RADIL: variants seen among roughly 807,000 people sequenced by gnomAD.
RADIL encodes the protein ras-associating and dilute domain-containing protein.
RADIL carries 99 observed loss-of-function variants against 97.6 expected under a neutral mutation model. The observed-to-expected ratio is 1.01, with a 90% CI of 0.86 to 1.20. The LOEUF (loss-of-function observed/expected upper bound fraction) is 1.20. Among genes scored for constraint, RADIL ranks in the 50% most tolerant of loss-of-function variants. The probability of loss-of-function intolerance (pLI) is 0.00; values close to 1 mark genes in which losing one functional copy is unlikely to be tolerated. For synonymous variants in RADIL, 803 were observed against 691.8 expected, an observed-to-expected ratio of 1.16 and a Z score of -2.52; for missense variants, 1,765 against 1,498.9, an observed-to-expected ratio of 1.18 and a Z score of -2.93.
chr7:4,861,131 G>A (rs1165727820), intron 2 of RADIL: 1 of 1,614,172 alleles, frequency 6.2e-7, no homozygotes, highest in Admixed American at 1.7e-5. Flanking sequence ...CAGTTTGATG[G>A]CTCTCAGAGT....
rs554756884 is a variant in RADIL, at chr7:4,817,925, G to C, written c.1616-574C>G. ...TGGGTGGGGGCTCTTGTGAAGGTGG[G>C]AGGCCCCCAACAGGGTGGAGCCTTC... On this transcript the variant is annotated intron_variant, in intron 6 of 14. Transcript: ENST00000399583. This position sits in a 1 kb window ranked among gnomAD's most constrained non-coding sequence, Gnocchi z 8.3. 2.7e-4 allele frequency among the ~76,000 whole-genome samples: 41 copies of C among 152,350 alleles called. 1 individual carries two copies. The highest frequency in any genetic ancestry group is 8.9e-4 in the African/African-American group (37 of 41,584).
intron 2 of RADIL, chr7:4,860,293 C>T: frequency 1.2e-6 from 2 of 1,613,914 alleles, no homozygotes; most frequent in Admixed American, 1.7e-5. Flanking sequence ...AGTGTGCTTT[C>T]TTGTCCTGAA....
intron 2 of RADIL, among the ~76,000 whole-genome samples, chr7:4,870,086 G>T (rs1784218820): frequency 6.6e-6 from 1 of 152,220 alleles, no homozygotes; most frequent in African/African-American, 2.4e-5. Context: ...GCTGCAGTGA[G>T]CCATGATTGC....
intron 4 of RADIL, 144 bp from the exon 5 acceptor site, chr7:4,832,322 G>T: frequency 1.3e-6 from 1 of 783,834 alleles, no homozygotes; most frequent in Non-Finnish European, 2.1e-6. Context: ...TTCAAGCTGT[G>T]CTGGAAAGGA....
intron 2 of RADIL, among the ~76,000 whole-genome samples, chr7:4,839,641 T>G (rs900908245): frequency 6.6e-6 from 1 of 152,218 alleles, no homozygotes; most frequent in Non-Finnish European, 1.5e-5. Context: ...TATTTCATTT[T>G]TTTAAACTCT....
At chr7:4,862,127 G>C (rs10275572) in intron 2 of RADIL, 5,802 of 318,422 alleles carry the variant, frequency 0.018, 354 homozygotes, top group African/African-American at 0.12. Flanking sequence ...TGCGCGGGGG[G>C]CTATACATGG....
rs781579950 is a variant in RADIL, at chr7:4,877,598, C to T, written c.535+7G>A. 6.3e-7 allele frequency: 1 copy of T among 1,582,540 alleles called. No individual in the cohort carries two copies. Among genetic ancestry groups the T allele is most frequent in the South Asian group, 1.2e-5 (1 of 84,356 alleles). ...ACGGCTCTTCCTGAACCTGTGGCCC[C>T]CCTCACCTGCCGTGATGGTGTCCAC... is the stretch of plus-strand genomic sequence containing the variant. On this transcript the variant is annotated splice_region_variant and intron_variant, in intron 2 of 14. Transcript: ENST00000399583.
chr7:4,803,410 G>C (rs1782181986), intron 11 of RADIL, 136 bp downstream of exon 11: 4 of 744,704 alleles, frequency 5.4e-6, no homozygotes, highest in Admixed American at 3.4e-5. Flanking sequence ...GGGCACACTG[G>C]CTGGGCCCCC....
At chr7:4,828,352 G>A (rs1783052797) in intron 5 of RADIL, among the ~76,000 whole-genome samples, 2 of 152,228 alleles carry the variant, frequency 1.3e-5, no homozygotes, top group Admixed American at 1.3e-4. Context: ...CCAGCTGCTT[G>A]AAGGCTGAGG....
At position 4,814,400 on chromosome 7, in the gene RADIL, C is replaced by T. The variant is rs542247306; in HGVS notation, c.2139+878G>A. ...GTGGCATGATCTCGGCTCACTGCAA[C>T]CTCTGCCTCGCGGGTTCAAGCGATT... is the stretch of plus-strand genomic sequence containing the variant. On this transcript the variant is annotated intron_variant, in intron 9 of 14. Coordinates refer to ENST00000399583, the MANE Select transcript of RADIL (RefSeq NM_018059.5). The surrounding 1 kb of genome is among the most constrained non-coding windows in gnomAD (Gnocchi z 4.5). 6.6e-6 allele frequency among the ~76,000 whole-genome samples: 1 copy of T among 152,240 alleles called. No individual in the cohort carries two copies. Among genetic ancestry groups the T allele is most frequent in the African/African-American group, 2.4e-5 (1 of 41,546 alleles).
chr7:4,883,383 G>A lies in RADIL; in HGVS notation c.-65+213C>T, dbSNP rs549161560. ...CCCTTGCCCGCGCTAGCCGGCCTCC[G>A]GGTACCGCCCCCCGGTCCAGGCCGG... On this transcript the variant is annotated intron_variant, in intron 1 of 14. Transcript: ENST00000399583. The surrounding 1 kb of genome is among the most constrained non-coding windows in gnomAD (Gnocchi z 7.1). Among the ~76,000 whole-genome samples the A allele has an allele frequency of 2.6e-5, 4 of 152,166 alleles. No homozygotes were observed. The East Asian group carries it at 7.8e-4, about 30-fold the overall frequency.
intron 2 of RADIL, among the ~76,000 whole-genome samples, chr7:4,847,293 C>A (rs948054833): frequency 1.3e-5 from 2 of 152,156 alleles, no homozygotes; most frequent in Non-Finnish European, 2.9e-5. Flanking sequence ...TGCACTGCAA[C>A]TGGGCAACAG....
At chr7:4,806,431 C>T (rs1473359172) in intron 9 of RADIL, among the ~76,000 whole-genome samples, 1 of 152,176 alleles carries the variant, frequency 6.6e-6, no homozygotes, top group Non-Finnish European at 1.5e-5. Flanking sequence ...AAGCAATCCT[C>T]CCGCCTCAGC....
chr7:4,819,669 C>T lies in RADIL; in HGVS notation c.1616-2318G>A, dbSNP rs1782775969. On this transcript the variant is annotated intron_variant, in intron 6 of 14. Coordinates refer to ENST00000399583, the MANE Select transcript of RADIL (RefSeq NM_018059.5). This position sits in a 1 kb window ranked among gnomAD's most constrained non-coding sequence, Gnocchi z 5.8. ...GAATGACAACAGCCACGTGACCCAC[C>T]CTCGGGACGCGACAGCCCTGCTCTC... Among the ~76,000 whole-genome samples the T allele has an allele frequency of 6.6e-6, 1 of 152,184 alleles. No homozygotes were observed. Among genetic ancestry groups the T allele is most frequent in the African/African-American group, 2.4e-5 (1 of 41,440 alleles).
At chr7:4,861,732 T>G (rs1294688105) in intron 2 of RADIL, 1 of 1,527,170 alleles carries the variant, frequency 6.5e-7, no homozygotes, top group African/African-American at 1.4e-5. Flanking sequence ...GCTAGACTGA[T>G]AGGCGAGGAG....
chr7:4,808,988 C>T lies in RADIL; in HGVS notation c.2140-3272G>A, dbSNP rs1351111514. 7.3e-4 allele frequency: 432 copies of T among 589,198 alleles called. 3 individuals carry two copies. The highest frequency in any genetic ancestry group is 2.8e-3 in the Middle Eastern group (3 of 1,066). The allele number at this position is 589,198 out of a possible 1,614,324, so 36.5% of individuals were successfully genotyped here. A position where few individuals can be genotyped will look rare whatever the true frequency, so the allele number is the denominator to read the frequency against. On this transcript the variant is annotated intron_variant, in intron 9 of 14. Coordinates refer to ENST00000399583, the MANE Select transcript of RADIL (RefSeq NM_018059.5). ...CACTGCCCCCGTTCCAACGCCACTG[C>T]CCCCCCGCGTCCCCTTCCGACGCCA...
At chr7:4,875,981 G>A (rs571133629) in intron 2 of RADIL, among the ~76,000 whole-genome samples, 29 of 152,216 alleles carry the variant, frequency 1.9e-4, no homozygotes, top group South Asian at 4.2e-4. Context: ...CATAATTAAA[G>A]CAACCACAAG....
At chr7:4,881,431 A>AAG in intron 1 of RADIL, among the ~76,000 whole-genome samples, 1 of 144,266 alleles carries the variant, frequency 6.9e-6, no homozygotes, top group African/African-American at 2.6e-5. Flanking sequence ...AAAAAAAAAA[A>AAG]AAAGACAAAA....
In RADIL at chr7:4,849,230, C is replaced by T. The variant is rs534342182; in HGVS notation, c.536-12625G>A. Among the ~76,000 whole-genome samples, 15 of 151,800 alleles carry T rather than the reference C, an allele frequency of 9.9e-5. No individual in the cohort carries two copies. In the East Asian group the frequency reaches 1.7e-3, roughly 18 times the overall value. ...GGAGTTCAAAACTGGGAAGAAGGAACGGCTATGGCAGAGAACTGCTGTTTT... is the reference window on the plus strand; with the variant it reads ...GGAGTTCAAAACTGGGAAGAAGGAATGGCTATGGCAGAGAACTGCTGTTTT... On this transcript the variant is annotated intron_variant, in intron 2 of 14. Transcript: ENST00000399583. This position sits in a 1 kb window ranked among gnomAD's most constrained non-coding sequence, Gnocchi z 5.4.
Sources: gnomAD v4.1 joint callset for allele counts (sites outside exome capture counted in the v4.1 genomes callset) on GRCh38, gnomAD v4.1.1 for gene constraint, Gnocchi (gnomAD v3.1) non-coding constraint, MANE v1.5 for transcripts, NCBI Gene and HGNC (gene_info 2026-07-23, HGNC 2026-07-21) for gene names.